Variants in OLFM3 observed in about 807,000 individuals in gnomAD.
OLFM3 encodes the protein noelin-3.
OLFM3 carries 20 observed loss-of-function variants against 48.6 expected under a neutral mutation model. The ratio of observed to expected loss-of-function variants is 0.41; its 90% CI spans 0.29 to 0.60. The LOEUF is 0.60. Ranked by LOEUF, OLFM3 falls within the 20% of genes least tolerant of loss-of-function variation. OLFM3 has a pLI of 0.28. For synonymous variants in OLFM3, 222 were observed against 198.1 expected (o/e 1.12, Z -1.01); for missense variants, 437 against 544.3 (o/e 0.80, Z 1.96).
intron 1 of OLFM3, among the ~76,000 whole-genome samples, chr1:101,877,298 C>T (rs1657340805): frequency 6.6e-6 from 1 of 151,922 alleles, no homozygotes; most frequent in African/African-American, 2.4e-5. Flanking sequence ...CCAGATTCCT[C>T]TCTTTCCATT....
At chr1:101,991,909 C>T (rs953641786) in intron 1 of OLFM3, among the ~76,000 whole-genome samples, 1 of 151,696 alleles carries the variant, frequency 6.6e-6, no homozygotes, top group Admixed American at 6.6e-5. Flanking sequence ...GGAAGCTTGT[C>T]CTCAGGTCTC....
chr1:101,913,698 AAT>A (rs1491056591), intron 1 of OLFM3, among the ~76,000 whole-genome samples: 1 of 150,460 alleles, frequency 6.6e-6, no homozygotes, highest in Non-Finnish European at 1.5e-5. Flanking sequence ...AAAAAAAAAA[AAT>A]CAACACTCAC....
chr1:101,971,131 AT>A (rs1318340419), intron 1 of OLFM3, among the ~76,000 whole-genome samples: 9 of 152,208 alleles, frequency 5.9e-5, no homozygotes, highest in African/African-American at 1.9e-4. Context: ...AGCAGTGCTG[AT>A]GGCCAGGTAT....
chr1:101,894,824 T>C (rs1266457874), intron 1 of OLFM3, among the ~76,000 whole-genome samples: 2 of 152,138 alleles, frequency 1.3e-5, no homozygotes, highest in Non-Finnish European at 2.9e-5. Context: ...ACAAATTATA[T>C]ATATGGAAAG....
intron 1 of OLFM3, among the ~76,000 whole-genome samples, chr1:101,988,732 A>C (rs1261205864): frequency 2.0e-5 from 3 of 152,122 alleles, no homozygotes; most frequent in Admixed American, 6.5e-5. Flanking sequence ...AAAGAATAGG[A>C]TAGTGCCCAA....
At position 101,825,047 on chromosome 1, in the gene OLFM3, G is replaced by T. The variant is rs746370349; in HGVS notation, c.571C>A (p.Arg191Ser). The T allele has an allele frequency of 1.2e-6, 2 of 1,613,856 alleles. No homozygotes were observed. Among genetic ancestry groups the T allele is most frequent in the South Asian group, 2.2e-5 (2 of 91,070 alleles). The change falls in exon 4 of 6, where the codon CGT becomes AGT. Residue 191 changes from arginine (R) to serine (S), a missense_variant. Arg to Ser is a moderately radical substitution (Grantham distance 110). Coordinates refer to ENST00000370103, the MANE Select transcript of OLFM3 (RefSeq NM_058170.4). ...TCACTTAGCTTTTTCATGCAGTCAC[G>T]AAGTCTTGTTTCCAAGCTCAGCACT... The part of the protein sequence containing the change: ...QRVLSLETRL[R>S]DCMKKLTCGK...
chr1:101,971,108 A>G (rs1354382473), intron 1 of OLFM3, among the ~76,000 whole-genome samples: 1 of 152,208 alleles, frequency 6.6e-6, no homozygotes, highest in Non-Finnish European at 1.5e-5. Flanking sequence ...ATTGTTGGAA[A>G]GATTACGCTC....
At chr1:101,932,013 A>G (rs1480177620) in intron 1 of OLFM3, among the ~76,000 whole-genome samples, 1 of 152,218 alleles carries the variant, frequency 6.6e-6, no homozygotes, top group African/African-American at 2.4e-5. Context: ...AATAAGTTGG[A>G]GAATCTCATG....
chr1:101,980,676 G>T (rs937258318), intron 1 of OLFM3, among the ~76,000 whole-genome samples: 6 of 152,116 alleles, frequency 3.9e-5, no homozygotes, highest in Non-Finnish European at 8.8e-5. Context: ...TGTGAGAATG[G>T]ACTAACACAA....
At chr1:101,951,579 T>G (rs1224792669) in intron 1 of OLFM3, among the ~76,000 whole-genome samples, 1 of 152,162 alleles carries the variant, frequency 6.6e-6, no homozygotes, top group Non-Finnish European at 1.5e-5. Flanking sequence ...TAGGTTCTAT[T>G]TTTTCCCTAA....
chr1:101,967,269 ACT>A (rs1403907864), intron 1 of OLFM3, among the ~76,000 whole-genome samples: 1 of 149,452 alleles, frequency 6.7e-6, no homozygotes, highest in Non-Finnish European at 1.5e-5. Flanking sequence ...CCTATTCAAA[ACT>A]CTGACAATTT....
At chr1:101,865,898 A>G (rs759916749) in intron 1 of OLFM3, among the ~76,000 whole-genome samples, 2 of 152,232 alleles carry the variant, frequency 1.3e-5, no homozygotes, top group Non-Finnish European at 2.9e-5. Context: ...TTTACACAGC[A>G]TAGCTATTTG....
intron 2 of OLFM3, among the ~76,000 whole-genome samples, chr1:101,832,263 CAT>C (rs1229164831): frequency 6.6e-5 from 10 of 152,300 alleles, no homozygotes; most frequent in East Asian, 1.9e-4. Flanking sequence ...TCATTGAAAA[CAT>C]GTGATTTACA....
intron 1 of OLFM3, among the ~76,000 whole-genome samples, chr1:101,841,356 T>C (rs1024323576): frequency 2.0e-5 from 3 of 152,208 alleles, no homozygotes; most frequent in African/African-American, 4.8e-5. Flanking sequence ...GTTTTATAAG[T>C]CATCCATTTT....
chr1:101,935,313 T>TAA (rs36122415), intron 1 of OLFM3, among the ~76,000 whole-genome samples: 28 of 145,308 alleles, frequency 1.9e-4, no homozygotes, highest in Middle Eastern at 3.5e-3. Flanking sequence ...CCTAGAGAAA[T>TAA]AAAAAAAAAA....
intron 1 of OLFM3, among the ~76,000 whole-genome samples, chr1:101,882,320 T>G (rs1657563327): frequency 9.7e-6 from 1 of 103,618 alleles, no homozygotes; most frequent in Non-Finnish European, 2.2e-5. Flanking sequence ...TAAGTGCATA[T>G]ATATATATAT....
intron 1 of OLFM3, chr1:101,910,184 C>T: frequency 4.1e-6 from 4 of 975,860 alleles, no homozygotes; most frequent in Non-Finnish European, 3.7e-6. Flanking sequence ...AGCACATTCT[C>T]GACCGGGCGC....
intron 1 of OLFM3, chr1:101,847,091 A>C: frequency 7.2e-7 from 1 of 1,386,310 alleles, no homozygotes; most frequent in Non-Finnish European, 9.4e-7. Flanking sequence ...CAACTTCCCC[A>C]GCTCTAATCA....
intron 1 of OLFM3, among the ~76,000 whole-genome samples, chr1:101,905,386 A>G (rs971240844): frequency 3.3e-5 from 5 of 152,162 alleles, no homozygotes; most frequent in African/African-American, 1.2e-4. Context: ...GATACACTCA[A>G]TGATGGAGTC....
Sources: gnomAD v4.1 joint callset for allele counts (sites outside exome capture counted in the v4.1 genomes callset) on GRCh38, gnomAD v4.1.1 for gene constraint, MANE v1.5 for transcripts, NCBI Gene and HGNC (gene_info 2026-07-23, HGNC 2026-07-21) for gene names.